CATSPERE: variants seen among roughly 807,000 people sequenced by gnomAD.
CATSPERE encodes catsper channel auxiliary subunit epsilon.
Under a neutral mutation model 114.1 loss-of-function variants are expected in CATSPERE, and 93 were observed. The observed-to-expected ratio is 0.81, with a 90% confidence interval of 0.69 to 0.97. The LOEUF is 0.97. Ranked by LOEUF, CATSPERE falls within the 50% of genes least tolerant of loss-of-function variation. The probability of loss-of-function intolerance (pLI) is 0.00; values close to 1 mark genes in which losing one functional copy is unlikely to be tolerated. For synonymous variants in CATSPERE, 341 were observed against 384.1 expected, an observed-to-expected ratio of 0.89 and a Z score of 1.31; for missense variants, 1,058 against 1,131.6, an observed-to-expected ratio of 0.93 and a Z score of 0.93.
chr1:244,558,267 C>T (rs186856235), intron 9 of CATSPERE, among the ~76,000 whole-genome samples: 3 of 151,746 alleles, frequency 2.0e-5, no homozygotes, highest in East Asian at 2.0e-4. Context: ...CTCAGCCTCA[C>T]GTGTAGCTGG....
At chr1:244,463,826 C>T in intron 1 of CATSPERE, 82 bp from the exon 2 acceptor site, 1 of 1,237,710 alleles carries the variant, frequency 8.1e-7, no homozygotes, top group Non-Finnish European at 1.2e-6. Flanking sequence ...GGCAGCCCAG[C>T]TATGCCCTGA....
chr1:244,545,915 G>A (rs1659676947), intron 8 of CATSPERE, among the ~76,000 whole-genome samples: 1 of 152,154 alleles, frequency 6.6e-6, no homozygotes, highest in Non-Finnish European at 1.5e-5. Context: ...GGTCTCATGG[G>A]GCATTCCCTA....
intron 8 of CATSPERE, among the ~76,000 whole-genome samples, chr1:244,523,459 T>G (rs1356524386): frequency 7.3e-6 from 1 of 136,872 alleles, no homozygotes. Flanking sequence ...CCACTCCTAT[T>G]CAACATAGTG....
At chr1:244,638,228 T>C (rs1206237658) in intron 21 of CATSPERE, among the ~76,000 whole-genome samples, 1 of 152,200 alleles carries the variant, frequency 6.6e-6, no homozygotes, top group Middle Eastern at 3.2e-3. Flanking sequence ...TCCAGTCGGG[T>C]TTCTATCTCA....
intron 21 of CATSPERE, among the ~76,000 whole-genome samples, chr1:244,638,849 C>T (rs1674978086): frequency 1.3e-5 from 2 of 152,236 alleles, no homozygotes; most frequent in African/African-American, 2.4e-5. Flanking sequence ...CCGCTTCTCT[C>T]CATGTCTTCG....
intron 18 of CATSPERE, among the ~76,000 whole-genome samples, chr1:244,609,500 G>C (rs555413678): frequency 6.6e-6 from 1 of 151,854 alleles, no homozygotes; most frequent in Non-Finnish European, 1.5e-5. Context: ...ACAGGTGCAC[G>C]CCACCACACC....
chr1:244,461,052 T>A (rs1485375435), upstream of CATSPERE, among the ~76,000 whole-genome samples: 1 of 152,204 alleles, frequency 6.6e-6, no homozygotes, highest in Non-Finnish European at 1.5e-5. Context: ...CTTAAAAGTT[T>A]CACATTCTTT....
In CATSPERE at chr1:244,485,298, C is replaced by T. The variant is rs559577035; in HGVS notation, c.327-5149C>T. Among the ~76,000 whole-genome samples, 352 of 152,082 alleles carry T rather than the reference C, an allele frequency of 2.3e-3. 4 individuals are homozygous for T. The highest frequency in any genetic ancestry group is 1.4e-3 in the Non-Finnish European group (98 of 68,016). On this transcript the variant is annotated intron_variant, in intron 5 of 21. Transcript: ENST00000366534. ...ATGGGTTCAAGTGATTCTCCTGCCT[C>T]AGCCTCCCTAGCAGCTGGAATTACA...
At chr1:244,589,793 T>A (rs1384684345) in intron 14 of CATSPERE, among the ~76,000 whole-genome samples, 1 of 152,108 alleles carries the variant, frequency 6.6e-6, no homozygotes, top group East Asian at 1.9e-4. Context: ...TCTAGAAGGG[T>A]CCGAATAATA....
At chr1:244,621,096 A>T (rs1573044841) in intron 20 of CATSPERE, among the ~76,000 whole-genome samples, 3 of 66,398 alleles carry the variant, frequency 4.5e-5, no homozygotes, top group East Asian at 7.7e-4. Flanking sequence ...TATATATAAA[A>T]TATATATAAA....
intron 2 of CATSPERE, among the ~76,000 whole-genome samples, chr1:244,469,605 G>A (rs962163115): frequency 2.0e-5 from 3 of 152,124 alleles, no homozygotes; most frequent in Non-Finnish European, 4.4e-5. Context: ...ATTTGCAGAC[G>A]ACATGATCCT....
chr1:244,558,139 T>TC (rs57144218), intron 9 of CATSPERE, among the ~76,000 whole-genome samples: 19 of 1,042 alleles, frequency 0.018, no homozygotes, highest in Admixed American at 0.038. Flanking sequence ...TCTCTCTCTC[T>TC]TTTTTTTTTT....
intron 6 of CATSPERE, among the ~76,000 whole-genome samples, chr1:244,491,508 G>A (rs559058201): frequency 5.9e-5 from 9 of 152,060 alleles, no homozygotes; most frequent in African/African-American, 1.9e-4. Context: ...ATCCAAAATC[G>A]ACACCCTAAC....
intron 10 of CATSPERE, among the ~76,000 whole-genome samples, chr1:244,563,754 T>C (rs1026051333): frequency 1.3e-5 from 2 of 152,222 alleles, no homozygotes; most frequent in Non-Finnish European, 2.9e-5. Context: ...AGAAGCTCTT[T>C]AGTTTAATTA....
intron 17 of CATSPERE, among the ~76,000 whole-genome samples, chr1:244,601,918 C>T (rs1669289965): frequency 6.6e-6 from 1 of 151,926 alleles, no homozygotes; most frequent in Non-Finnish European, 1.5e-5. Context: ...CGCACCACTG[C>T]ACTCTAGCCT....
At chr1:244,539,620 G>A (rs1480987881) in intron 8 of CATSPERE, among the ~76,000 whole-genome samples, 1 of 147,946 alleles carries the variant, frequency 6.8e-6, no homozygotes, top group Non-Finnish European at 1.5e-5. Context: ...TTTTTGGTTG[G>A]TAAGCTATTG....
intron 10 of CATSPERE, among the ~76,000 whole-genome samples, chr1:244,569,287 A>G (rs141156851): frequency 2.3e-4 from 35 of 152,282 alleles, no homozygotes; most frequent in Middle Eastern, 3.4e-3. Flanking sequence ...ACCAGTCCCA[A>G]TGAGCTAAAC....
intron 15 of CATSPERE, among the ~76,000 whole-genome samples, chr1:244,593,097 TG>T (rs1667943579): frequency 1.3e-5 from 2 of 152,228 alleles, no homozygotes; most frequent in African/African-American, 4.8e-5. Context: ...ACAACGAACA[TG>T]GGCTTTATTG....
At chr1:244,528,696 A>C (rs1203527256) in intron 8 of CATSPERE, among the ~76,000 whole-genome samples, 4 of 152,034 alleles carry the variant, frequency 2.6e-5, no homozygotes, top group African/African-American at 9.7e-5. Context: ...ATTATCGACT[A>C]TAGTCACCCA....
Sources: allele counts gnomAD v4.1 joint callset (sites outside exome capture counted in the v4.1 genomes callset), GRCh38; gene constraint gnomAD v4.1.1; transcripts MANE v1.5; gene names NCBI Gene and HGNC (gene_info 2026-07-23, HGNC 2026-07-21).